The following SORCS2 variants were observed in gnomAD, a reference collection of about 807,000 sequenced individuals.
The protein encoded by SORCS2 is sortilin related VPS10 domain containing receptor 2.
A neutral mutation model predicts 141.6 loss-of-function variants in SORCS2; 100 were observed. The ratio of observed to expected loss-of-function variants is 0.71; its 90% CI spans 0.60 to 0.83. The LOEUF (loss-of-function observed/expected upper bound fraction) is 0.83. SORCS2 is among the 40% of genes least tolerant of loss of function. The pLI, the probability that SORCS2 is intolerant of heterozygous loss-of-function variation, is 0.00. For missense variants in SORCS2, 1,646 were observed against 1,560.2 expected, an observed-to-expected ratio of 1.05 and a Z score of -0.93; for synonymous variants, 789 against 676.9, an observed-to-expected ratio of 1.17 and a Z score of -2.57.
chr4:7,384,785 C>G (rs1489576615), intron 1 of SORCS2, among the ~76,000 whole-genome samples: 1 of 152,228 alleles, frequency 6.6e-6, no homozygotes. Context: ...GGCTCAGTGG[C>G]TTGCCCAGGA....
intron 1 of SORCS2, among the ~76,000 whole-genome samples, chr4:7,276,793 C>T (rs1715528441): frequency 6.6e-6 from 1 of 152,212 alleles, no homozygotes; most frequent in African/African-American, 2.4e-5. Flanking sequence ...TCTCCAGCCA[C>T]ACCTAGTGGA....
At chr4:7,565,756 G>A (rs1714930276) in intron 3 of SORCS2, among the ~76,000 whole-genome samples, 1 of 151,312 alleles carries the variant, frequency 6.6e-6, no homozygotes, top group Non-Finnish European at 1.5e-5. Context: ...GAAAGTGATG[G>A]TGATGGTGTC....
chr4:7,689,466 G>C lies in SORCS2; in HGVS notation c.1489-20G>C, dbSNP rs929264. ...CTCCTACTCATGTGTTGACAGTTGC[G>C]TCCTTTCTCTTCCTTGCAGCCAGAC... On this transcript the variant is annotated intron_variant, in intron 10 of 26. Coordinates refer to ENST00000507866, the MANE Select transcript of SORCS2 (RefSeq NM_020777.3). The C allele has an allele frequency of 0.68, 1,067,338 of 1,571,702 alleles. 364,295 individuals are homozygous for C. The highest frequency in any genetic ancestry group is 0.89 in the East Asian group (37,930 of 42,516).
chr4:7,239,457 C>A (rs1223218574), intron 1 of SORCS2, among the ~76,000 whole-genome samples: 1 of 152,264 alleles, frequency 6.6e-6, no homozygotes, highest in African/African-American at 2.4e-5. Context: ...CTCTCTCTTG[C>A]TTTCCTGGAG....
At chr4:7,590,450 C>A (rs1328924470) in intron 3 of SORCS2, among the ~76,000 whole-genome samples, 1 of 152,170 alleles carries the variant, frequency 6.6e-6, no homozygotes, top group African/African-American at 2.4e-5. Context: ...GAGAGAAATG[C>A]CTCCAGGGCA....
chr4:7,553,586 C>G (rs912170923), intron 3 of SORCS2, among the ~76,000 whole-genome samples: 2 of 152,214 alleles, frequency 1.3e-5, no homozygotes, highest in African/African-American at 4.8e-5. Flanking sequence ...TGGAAAACAT[C>G]TCTTGCCAAC....
At chr4:7,266,698 C>T (rs558836168) in intron 1 of SORCS2, among the ~76,000 whole-genome samples, 1 of 152,344 alleles carries the variant, frequency 6.6e-6, no homozygotes, top group South Asian at 2.1e-4. Flanking sequence ...TCAGATACCC[C>T]CTCCCCCAGG....
chr4:7,414,278 C>T (rs577704306), intron 2 of SORCS2, among the ~76,000 whole-genome samples: 47 of 152,292 alleles, frequency 3.1e-4, no homozygotes, highest in African/African-American at 1.0e-3. Context: ...GACCTGGCTG[C>T]ACTTAGGTGG....
At chr4:7,319,869 C>T (rs3916117) in intron 1 of SORCS2, among the ~76,000 whole-genome samples, 91,455 of 152,204 alleles carry the variant, frequency 0.6, 27,555 homozygotes, top group South Asian at 0.72. Flanking sequence ...GGCCTGTACT[C>T]TGCTTTTCTG....
At chr4:7,511,607 C>T (rs1406146575) in intron 2 of SORCS2, among the ~76,000 whole-genome samples, 4 of 152,032 alleles carry the variant, frequency 2.6e-5, no homozygotes, top group Non-Finnish European at 5.9e-5. Flanking sequence ...ACGCTGGGTG[C>T]GTGTTTCTGC....
At chr4:7,629,707 A>G (rs140504084) in intron 3 of SORCS2, among the ~76,000 whole-genome samples, 3 of 151,856 alleles carry the variant, frequency 2.0e-5, no homozygotes, top group African/African-American at 7.2e-5. Context: ...GAGCTTCCAA[A>G]TGCCTAGCCA....
chr4:7,243,704 AAACAGCAAAGGCACACT>A (rs1712870823), intron 1 of SORCS2, among the ~76,000 whole-genome samples: 1 of 152,254 alleles, frequency 6.6e-6, no homozygotes, highest in Non-Finnish European at 1.5e-5. Flanking sequence ...TGGTTTGCAC[AAACAGCAAAGGCACACT>A]GAGCCCTGCT....
chr4:7,252,276 A>G (rs948646177), intron 1 of SORCS2, among the ~76,000 whole-genome samples: 5 of 151,998 alleles, frequency 3.3e-5, no homozygotes, highest in Admixed American at 1.3e-4. Context: ...CTGGGGGAGG[A>G]AACTGCAGGA....
intron 1 of SORCS2, among the ~76,000 whole-genome samples, chr4:7,393,463 C>T (rs1418689636): frequency 6.6e-6 from 1 of 152,232 alleles, no homozygotes; most frequent in Non-Finnish European, 1.5e-5. Context: ...GAAGTTTCTT[C>T]TGAAAACACA....
intron 1 of SORCS2, among the ~76,000 whole-genome samples, chr4:7,360,529 TC>T (rs902911586): frequency 2.0e-5 from 3 of 147,224 alleles, no homozygotes; most frequent in Non-Finnish European, 3.0e-5. Context: ...CTCTGTGGCA[TC>T]CTGCACTGTG....
chr4:7,609,373 G>A (rs1328832778), intron 3 of SORCS2, among the ~76,000 whole-genome samples: 1 of 152,160 alleles, frequency 6.6e-6, no homozygotes, highest in African/African-American at 2.4e-5. Flanking sequence ...CTTACCTGGA[G>A]GCACTGCCCT....
Position 7,509,319 on chromosome 4 carries a change from G to A in SORCS2, c.549-22211G>A, listed in dbSNP as rs184407620. ...ACAGAGGGGATGGAGAGGGAGAAAGGGAGGGATACCCACAGCCTCTCTTCC... is the reference window on the plus strand; with the variant it reads ...ACAGAGGGGATGGAGAGGGAGAAAGAGAGGGATACCCACAGCCTCTCTTCC... On this transcript the variant is annotated intron_variant, in intron 2 of 26. Transcript: ENST00000507866. 2.2e-3 allele frequency among the ~76,000 whole-genome samples: 336 copies of A among 152,262 alleles called. 4 individuals are homozygous for A. The highest frequency in any genetic ancestry group is 7.6e-3 in the African/African-American group (317 of 41,538).
Position 7,656,318 on chromosome 4 carries a change from A to C in SORCS2, c.887+2111A>C, listed in dbSNP as rs1486729572. ...GGTACCCGCCCCCCACCCTGCCCTCAGTGTCTCCACGCCCCAGAACAGAAT... is the reference window on the plus strand; with the variant it reads ...GGTACCCGCCCCCCACCCTGCCCTCCGTGTCTCCACGCCCCAGAACAGAAT... On this transcript the variant is annotated intron_variant, in intron 5 of 26. Transcript: ENST00000507866. Among the ~76,000 whole-genome samples, 6 of 146,638 alleles carry C rather than the reference A, an allele frequency of 4.1e-5. No individual in the cohort carries two copies. The East Asian group carries it at 1.3e-3, about 31-fold the overall frequency.
At position 7,656,306 on chromosome 4, in the gene SORCS2, C is replaced by T. The variant is rs571431883; in HGVS notation, c.887+2099C>T. On this transcript the variant is annotated intron_variant, in intron 5 of 26. Transcript: ENST00000507866. ...GGCAGGGCCGCGGGTACCCGCCCCC[C>T]ACCCTGCCCTCAGTGTCTCCACGCC... Among the ~76,000 whole-genome samples the T allele has an allele frequency of 1.6e-4, 25 of 152,222 alleles. 2 individuals carry two copies. In the South Asian group the frequency reaches 5.2e-3, roughly 32 times the overall value.
Sources: allele counts gnomAD v4.1 joint callset (sites outside exome capture counted in the v4.1 genomes callset), GRCh38; gene constraint gnomAD v4.1.1; transcripts MANE v1.5; gene names NCBI Gene and HGNC (gene_info 2026-07-23, HGNC 2026-07-21).